LPA: variants seen among roughly 807,000 people sequenced by gnomAD.
LPA encodes lipoprotein(a).
A neutral mutation model predicts 197.9 loss-of-function variants in LPA; 199 were observed. The ratio of observed to expected loss-of-function variants is 1.01; its 90% CI spans 0.90 to 1.13. The LOEUF (loss-of-function observed/expected upper bound fraction) is 1.13, where lower values mean the gene tolerates loss of function less well. LPA is among the 50% of genes most tolerant of loss of function. LPA has a pLI of 0.00. For missense variants in LPA, 1,853 were observed against 1,785.8 expected, an observed-to-expected ratio of 1.04 and a Z score of -0.68; for synonymous variants, 715 against 639.5, an observed-to-expected ratio of 1.12 and a Z score of -1.78.
intron 21 of LPA, 124 bp from the exon 22 acceptor site, chr6:160,594,241 G>A (rs766935387): frequency 8.7e-7 from 1 of 1,151,368 alleles, no homozygotes; most frequent in Non-Finnish European, 1.3e-6. Flanking sequence ...TTCTGTACTA[G>A]CAGGCAGATG....
intron 16 of LPA, among the ~76,000 whole-genome samples, chr6:160,608,852 AG>A: frequency 6.8e-6 from 1 of 146,494 alleles, no homozygotes; most frequent in Admixed American, 6.8e-5. Context: ...TGAACTTGTG[AG>A]TTTTTGCGTG....
rs745594429 is a variant in LPA at position 160,589,553 on chromosome 6, C to A, written c.3947G>T (p.Gly1316Val). 1.2e-6 allele frequency: 2 copies of A among 1,613,406 alleles called. No homozygotes were observed. The highest frequency in any genetic ancestry group is 1.7e-6 in the Non-Finnish European group (2 of 1,179,748). Residue 1316 changes from glycine (G) to valine (V), a missense_variant and splice_region_variant, in exon 24 of 39, where the codon GGT (glycine) becomes GTT (valine). This residue lies in a region of LPA where 1,737 missense variants were observed against 1,504.4 expected (regional missense o/e 1.15). Transcript: ENST00000316300. ...CTTGGGAGAAAACTCAAAGACATAC[C>A]CATTTGGGTAGTATTCTGTGGTTCT... Reference protein sequence around the residue: ...HQRTTEYYPNGGLTRNYCRNP... With the variant: ...HQRTTEYYPNVGLTRNYCRNP...
At chr6:160,609,920 G>A (rs975076588) in intron 16 of LPA, among the ~76,000 whole-genome samples, 2 of 151,860 alleles carry the variant, frequency 1.3e-5, no homozygotes, top group African/African-American at 2.4e-5. Flanking sequence ...TTTTTCAGGC[G>A]GACATACAGT....
chr6:160,548,493 G>A lies in LPA; in HGVS notation c.5140C>T (p.Pro1714Ser). Reference protein sequence around the residue: ...PTVIQVPSLGPPSEQDCMFGN... With the variant: ...PTVIQVPSLGSPSEQDCMFGN... Reference sequence around the variant, plus strand: ...GACTTCTTACCTTGTTCAGAAGGAGGCCCTAGGCTTGGAACCTGGATGACA... The same window carrying A: ...GACTTCTTACCTTGTTCAGAAGGAGACCCTAGGCTTGGAACCTGGATGACA... Residue 1714 changes from proline to serine, a missense_variant, in exon 31 of 39, where the codon CCT becomes TCT. By Grantham distance (74) the Pro-to-Ser change is moderately conservative (BLOSUM62 -1). This residue lies in a region of LPA where 1,737 missense variants were observed against 1,504.4 expected (regional missense o/e 1.15). Transcript: ENST00000316300. The A allele has an allele frequency of 6.2e-7, 1 of 1,613,972 alleles. No individual in the cohort carries two copies. The highest frequency in any genetic ancestry group is 8.5e-7 in the Non-Finnish European group (1 of 1,179,980).
chr6:160,588,486 G>A (rs777532853), intron 24 of LPA, among the ~76,000 whole-genome samples: 9 of 152,112 alleles, frequency 5.9e-5, no homozygotes, highest in African/African-American at 2.2e-4. Context: ...AGTGCTATGT[G>A]AGCTCTGGCA....
chr6:160,585,865 C>T (rs765510830), intron 25 of LPA, among the ~76,000 whole-genome samples: 13 of 152,088 alleles, frequency 8.5e-5, no homozygotes, highest in Non-Finnish European at 1.8e-4. Context: ...CCATGAGAAG[C>T]AGGGATGAGA....
intron 1 of LPA, among the ~76,000 whole-genome samples, chr6:160,662,226 ATACTTT>A (rs945671842): frequency 1.3e-5 from 2 of 152,232 alleles, no homozygotes; most frequent in Admixed American, 1.3e-4. Context: ...AATAGGAAAA[ATACTTT>A]TATATTATAG....
chr6:160,584,334 C>CTT (rs61645510), intron 26 of LPA, among the ~76,000 whole-genome samples: 11 of 105,736 alleles, frequency 1.0e-4, no homozygotes, highest in Admixed American at 3.0e-4. Context: ...TCTTCTTCTT[C>CTT]TTTTTTTTTT....
intron 25 of LPA, 102 bp from the exon 26 acceptor site, chr6:160,585,307 A>ACACTCTT: frequency 1.9e-6 from 2 of 1,077,556 alleles, no homozygotes; most frequent in Non-Finnish European, 2.9e-6. Context: ...TTAACAATTT[A>ACACTCTT]CACTCTTCTA....
intron 20 of LPA, among the ~76,000 whole-genome samples, 164 bp from the exon 21 acceptor site, chr6:160,595,699 C>G (rs369336724): frequency 6.6e-6 from 1 of 152,188 alleles, no homozygotes; most frequent in African/African-American, 2.4e-5. Flanking sequence ...TAAACAACTG[C>G]GAACATCTCA....
At chr6:160,632,080 G>A (rs1462771361) in intron 8 of LPA, among the ~76,000 whole-genome samples, 3 of 139,450 alleles carry the variant, frequency 2.2e-5, no homozygotes, top group African/African-American at 8.4e-5. Flanking sequence ...CCTCTGAAAC[G>A]TCTAATTTGA....
At chr6:160,609,914 T>C (rs1302899809) in intron 16 of LPA, among the ~76,000 whole-genome samples, 1 of 152,130 alleles carries the variant, frequency 6.6e-6, no homozygotes, top group East Asian at 1.9e-4. Context: ...TCTAAATTTT[T>C]CAGGCGGACA....
intron 28 of LPA, among the ~76,000 whole-genome samples, chr6:160,565,236 C>T (rs781009756): frequency 9.9e-5 from 15 of 152,160 alleles, no homozygotes; most frequent in East Asian, 3.9e-4. Context: ...CAAGTGGGTC[C>T]GTGACCCCCG....
chr6:160,556,563 T>G (rs41264320), intron 29 of LPA, among the ~76,000 whole-genome samples: 177 of 152,146 alleles, frequency 1.2e-3, no homozygotes, highest in African/African-American at 4.2e-3. Context: ...GGGACAGACA[T>G]GAAAACCCTG....
In LPA at chr6:160,585,189, G is replaced by A; in HGVS notation, c.4146C>T (p.Ser1382=). The A allele has an allele frequency of 6.2e-7, 1 of 1,613,746 alleles. No homozygotes were observed. The highest frequency in any genetic ancestry group is 8.5e-7 in the Non-Finnish European group (1 of 1,179,762). Reference sequence around the variant, plus strand: ...CTCGGTAGCAGTCCTGGACCCCAGTGCTGTTTTCAGTTGGTGCTGAAATTA... The same window carrying A: ...CTCGGTAGCAGTCCTGGACCCCAGTACTGTTTTCAGTTGGTGCTGAAATTA... ...LPSEEAPTEN[S]TGVQDCYRGD... Residue 1382 remains serine (S), a synonymous_variant, in exon 26 of 39, where the codon AGC becomes AGT. Coordinates refer to ENST00000316300, the MANE Select transcript of LPA (RefSeq NM_005577.4).
intron 8 of LPA, among the ~76,000 whole-genome samples, chr6:160,632,065 G>A (rs1475553280): frequency 3.4e-5 from 5 of 148,408 alleles, no homozygotes; most frequent in African/African-American, 1.2e-4. Flanking sequence ...GTTGGGTAAT[G>A]TTTTCCTCTG....
At chr6:160,611,298 G>A (rs117377249) in intron 16 of LPA, among the ~76,000 whole-genome samples, 1 of 152,022 alleles carries the variant, frequency 6.6e-6, no homozygotes, top group Non-Finnish European at 1.5e-5. Context: ...GTGTTTGGTG[G>A]TTCGTCATTC....
chr6:160,559,165 C>T (rs1192630581), intron 28 of LPA, among the ~76,000 whole-genome samples: 1 of 152,198 alleles, frequency 6.6e-6, no homozygotes, highest in African/African-American at 2.4e-5. Context: ...CTCTTGAGTC[C>T]CTACCCAATT....
intron 18 of LPA, among the ~76,000 whole-genome samples, chr6:160,603,745 G>T (rs1314324934): frequency 6.6e-6 from 1 of 152,172 alleles, no homozygotes; most frequent in Non-Finnish European, 1.5e-5. Context: ...TCTAAAGAGG[G>T]TTTTCCTCTC....
Sources: gnomAD v4.1 joint callset for allele counts (sites outside exome capture counted in the v4.1 genomes callset) on GRCh38, gnomAD v4.1.1 for gene constraint, gnomAD v4.1.1 regional missense constraint, MANE v1.5 for transcripts, NCBI Gene and HGNC (gene_info 2026-07-23, HGNC 2026-07-21) for gene names.